Variants in PCDHA5 observed in about 807,000 individuals in gnomAD.
PCDHA5 encodes the protein protocadherin alpha-5.
A neutral mutation model predicts 61.6 loss-of-function variants in PCDHA5; 43 were observed. The observed-to-expected ratio is 0.70, with a 90% confidence interval of 0.55 to 0.90. The LOEUF is 0.90. Among genes scored for constraint, PCDHA5 ranks in the 40% least tolerant of loss-of-function variants. The pLI is 0.00. For missense variants in PCDHA5, 1,298 were observed against 1,222.7 expected, an observed-to-expected ratio of 1.06 and a Z score of -0.92; for synonymous variants, 627 against 543.9, an observed-to-expected ratio of 1.15 and a Z score of -2.13.
At chr5:140,872,114 AG>A (rs1261193633) in intron 1 of PCDHA5, among the ~76,000 whole-genome samples, 1 of 151,936 alleles carries the variant, frequency 6.6e-6, no homozygotes, top group African/African-American at 2.4e-5. Context: ...TCCTAACTTC[AG>A]GCTTGTATCA....
intron 1 of PCDHA5, among the ~76,000 whole-genome samples, chr5:140,900,150 C>T (rs265315): frequency 0.046 from 7,055 of 152,208 alleles, 291 homozygotes; most frequent in African/African-American, 0.11. Context: ...TAAGAACATA[C>T]GATATTTGTC....
chr5:140,888,755 T>C (rs1290458155), intron 1 of PCDHA5, among the ~76,000 whole-genome samples: 1 of 146,364 alleles, frequency 6.8e-6, no homozygotes, highest in African/African-American at 2.5e-5. Flanking sequence ...TTCTACCCAC[T>C]TTTTTTTTTA....
At chr5:140,971,778 G>C (rs1346530602) in intron 1 of PCDHA5, among the ~76,000 whole-genome samples, 2 of 151,860 alleles carry the variant, frequency 1.3e-5, no homozygotes, top group Non-Finnish European at 2.9e-5. Context: ...TATTATTCAA[G>C]ATTATTCAAT....
intron 1 of PCDHA5, chr5:140,830,060 C>A: frequency 6.2e-7 from 1 of 1,613,712 alleles, no homozygotes; most frequent in Non-Finnish European, 8.5e-7. Context: ...CCACGGTGAG[C>A]CGGCGCTGAC....
chr5:140,845,304 G>T (rs180945662), intron 1 of PCDHA5, among the ~76,000 whole-genome samples: 1 of 149,326 alleles, frequency 6.7e-6, no homozygotes, highest in African/African-American at 2.4e-5. Context: ...ATGTCTACCT[G>T]GTTCTCAGGT....
intron 1 of PCDHA5, chr5:140,875,958 C>T (rs1312300687): frequency 1.2e-6 from 2 of 1,613,962 alleles, no homozygotes; most frequent in Admixed American, 3.3e-5. Context: ...ATGCGGATAT[C>T]GGCGTAAACT....
At chr5:140,923,020 G>A (rs946669637) in intron 1 of PCDHA5, among the ~76,000 whole-genome samples, 6 of 152,228 alleles carry the variant, frequency 3.9e-5, no homozygotes, top group Admixed American at 1.3e-4. Context: ...CTGCAGTTTC[G>A]GACTCTATTA....
In PCDHA5 at chr5:140,929,209, G is replaced by A. The variant is rs553616030; in HGVS notation, c.2353-49740G>A. Reference sequence around the variant, plus strand: ...TGATAATAACAGTTTGCTGTTGCGTGGGGAGTACAATGCTGCCGACCTGCG... The same window carrying A: ...TGATAATAACAGTTTGCTGTTGCGTAGGGAGTACAATGCTGCCGACCTGCG... On this transcript the variant is annotated intron_variant, in intron 1 of 3. Transcript: ENST00000529859. 71 of 1,614,054 alleles carry A rather than the reference G, an allele frequency of 4.4e-5. 2 individuals carry two copies. The South Asian group carries it at 7.1e-4, about 16-fold the overall frequency.
intron 1 of PCDHA5, among the ~76,000 whole-genome samples, chr5:140,940,230 T>C (rs1554213224): frequency 6.6e-6 from 1 of 152,212 alleles, no homozygotes; most frequent in Non-Finnish European, 1.5e-5. Flanking sequence ...TTCATTTTGG[T>C]ACATTAAAGT....
chr5:140,878,727 C>A (rs1329578817), intron 1 of PCDHA5, among the ~76,000 whole-genome samples: 2 of 152,186 alleles, frequency 1.3e-5, no homozygotes, highest in Non-Finnish European at 2.9e-5. Context: ...AAATTTCCAG[C>A]CTTATATCTA....
At chr5:140,862,348 C>T (rs1404239338) in intron 1 of PCDHA5, 1 of 336,670 alleles carries the variant, frequency 3.0e-6, no homozygotes, top group Non-Finnish European at 5.9e-6. Context: ...ACTTCAGTGC[C>T]AAGGGACAGA....
chr5:140,944,058 G>A (rs185843356), intron 1 of PCDHA5, among the ~76,000 whole-genome samples: 116 of 152,248 alleles, frequency 7.6e-4, no homozygotes, highest in African/African-American at 2.7e-3. Flanking sequence ...ATACAAAAAG[G>A]TTTCTTGTTA....
chr5:140,956,960 TAATC>T (rs2307694), intron 1 of PCDHA5, among the ~76,000 whole-genome samples: 47,965 of 151,898 alleles, frequency 0.32, 7,886 homozygotes, highest in East Asian at 0.53. Flanking sequence ...ACACTGTAAT[TAATC>T]AGTCAATTTA....
intron 1 of PCDHA5, among the ~76,000 whole-genome samples, chr5:140,881,772 C>A (rs1253242879): frequency 6.6e-6 from 1 of 152,200 alleles, no homozygotes; most frequent in Admixed American, 6.5e-5. Context: ...CATGACTATG[C>A]AGAACTACCG....
At chr5:140,927,417 G>A (rs74597681) in intron 1 of PCDHA5, 37,118 of 1,614,096 alleles carry the variant, frequency 0.023, 560 homozygotes, top group African/African-American at 0.056. Flanking sequence ...ACATGGGATC[G>A]CGGGTTGACG....
At chr5:140,839,135 A>C (rs1378372841) in intron 1 of PCDHA5, among the ~76,000 whole-genome samples, 3 of 148,212 alleles carry the variant, frequency 2.0e-5, no homozygotes, top group African/African-American at 5.1e-5. Flanking sequence ...CATTCACATA[A>C]GCAGACCAAG....
intron 1 of PCDHA5, chr5:140,836,357 G>C: frequency 3.7e-6 from 6 of 1,613,654 alleles, no homozygotes; most frequent in Non-Finnish European, 5.1e-6. Context: ...GGGAGCCCTC[G>C]CTGACAGCCA....
chr5:140,842,235 G>A (rs201880118), intron 1 of PCDHA5: 39 of 1,612,410 alleles, frequency 2.4e-5, no homozygotes, highest in Non-Finnish European at 3.0e-5. Flanking sequence ...ATAGTGATTC[G>A]GGGTAATTTG....
At chr5:140,937,658 A>T (rs1045534345) in intron 1 of PCDHA5, among the ~76,000 whole-genome samples, 2 of 151,280 alleles carry the variant, frequency 1.3e-5, no homozygotes, top group Non-Finnish European at 2.9e-5. Flanking sequence ...CACGCCTGTA[A>T]TCCCAGCACT....
Sources: allele counts gnomAD v4.1 joint callset (sites outside exome capture counted in the v4.1 genomes callset), GRCh38; gene constraint gnomAD v4.1.1; transcripts MANE v1.5; gene names NCBI Gene and HGNC (gene_info 2026-07-23, HGNC 2026-07-21).